ALOX12B: variants seen among roughly 807,000 people sequenced by gnomAD.
ALOX12B encodes arachidonate 12-lipoxygenase, 12R type.
A neutral mutation model predicts 78.9 loss-of-function variants in ALOX12B; 47 were observed. The ratio of observed to expected loss-of-function variants is 0.60; its 90% CI spans 0.47 to 0.76. ALOX12B has a LOEUF of 0.76. ALOX12B is among the 30% of genes least tolerant of loss of function. The pLI is 0.00. For missense variants in ALOX12B, 805 were observed against 922.6 expected (o/e 0.87, Z 1.65); for synonymous variants, 370 against 374.5 (o/e 0.99, Z 0.14).
In ALOX12B at chr17:8,079,708, C is replaced by G; in HGVS notation, c.927+61G>C. 6.4e-7 allele frequency: 1 copy of G among 1,569,604 alleles called. No individual in the cohort carries two copies. On this transcript the variant is annotated intron_variant, in intron 7 of 14. Transcript: ENST00000647874. The surrounding 1 kb of genome is among the most constrained non-coding windows in gnomAD (Gnocchi z 6.4). Reference sequence around the variant, plus strand: ...CGCGGGCGCCGGAGGTGGGGAGAGACGGGGATGCCCGCGAGGGAGGCCGGG... The same window carrying G: ...CGCGGGCGCCGGAGGTGGGGAGAGAGGGGGATGCCCGCGAGGGAGGCCGGG...
At chr17:8,073,805 C>T in intron 12 of ALOX12B, 48 bp from the exon 13 acceptor site, 3 of 1,495,244 alleles carry the variant, frequency 2.0e-6, no homozygotes, top group Non-Finnish European at 2.8e-6. Flanking sequence ...TGCCCTGGTA[C>T]TGGCTGCCCG....
In ALOX12B at chr17:8,072,832, C is replaced by G. The variant is rs759885347; in HGVS notation, c.2045G>C (p.Cys682Ser). 8.1e-6 allele frequency: 13 copies of G among 1,614,104 alleles called. No individual in the cohort carries two copies. Among genetic ancestry groups the G allele is most frequent in the Middle Eastern group, 1.6e-4 (1 of 6,084 alleles). ...CAGGTAGTAGTAGGGGATGGGAAGG[C>G]ACTTGTTGCGCTGGCGGATGTCGTG... ...ISHDIRQRNK[C>S]LPIPYYYLDP... The change falls in exon 15 of 15, where the codon TGC becomes TCC. Residue 682 changes from cysteine (C) to serine (S), a missense_variant. Physicochemically the swap from Cys to Ser is moderately radical, Grantham distance 112. Coordinates refer to ENST00000647874, the MANE Select transcript of ALOX12B (RefSeq NM_001139.3).
rs1336910973 is a variant in ALOX12B, at chr17:8,073,281, G to A, written c.1793C>T (p.Ser598Phe). Reference protein sequence around the residue: ...FTAWMPNFPASMRNPPIQTKG... With the variant: ...FTAWMPNFPAFMRNPPIQTKG... ...AGTCTGAATCGGTGGATTCCGCATG[G>A]ACGCTGGGAAGTTGGGCATCCAGGC... The change falls in exon 14 of 15, where the codon TCC becomes TTC. Residue 598 changes from serine (S) to phenylalanine (F), a missense_variant. By Grantham distance (155) the Ser-to-Phe change is radical (BLOSUM62 -2). Coordinates refer to ENST00000647874, the MANE Select transcript of ALOX12B (RefSeq NM_001139.3). 43 of 1,614,094 alleles carry A rather than the reference G, an allele frequency of 2.7e-5. No homozygotes were observed. The highest frequency in any genetic ancestry group is 3.6e-5 in the Non-Finnish European group (43 of 1,180,054).
At chr17:8,085,320 A>G (rs1217446447) in intron 2 of ALOX12B, among the ~76,000 whole-genome samples, 5 of 152,174 alleles carry the variant, frequency 3.3e-5, no homozygotes, top group Non-Finnish European at 7.4e-5. Flanking sequence ...ATCTCTACTA[A>G]AAATGCAAAA....
intron 1 of ALOX12B, among the ~76,000 whole-genome samples, chr17:8,086,550 T>C (rs1567985517): frequency 1.3e-5 from 2 of 152,178 alleles, no homozygotes; most frequent in Non-Finnish European, 2.9e-5. Context: ...GGTACCACTC[T>C]ACAGTTTTCG....
chr17:8,086,075 T>C lies in ALOX12B; in HGVS notation c.293A>G (p.His98Arg), dbSNP rs765029307. Residue 98 changes from histidine (H) to arginine (R), a missense_variant, in exon 2 of 15, where the codon CAC becomes CGC. Physicochemically the swap from His to Arg is conservative, Grantham distance 29. Transcript: ENST00000647874. ...QICAPNGRIY[H>R]FPAYQWMDGY... ...ATCCATCCACTGGTAGGCGGGGAAG[T>C]GGTAGATACGGCCGTTGGGGGCACA... The C allele has an allele frequency of 6.2e-6, 10 of 1,613,878 alleles. No individual in the cohort carries two copies. The African/African-American group carries it at 1.3e-4, about 22-fold the overall frequency.
chr17:8,087,537 A>G lies in ALOX12B; in HGVS notation c.-95T>C. ...GGCAGGCAAGAGAAGCCAGGCACAG[A>G]GTGGAGTGGACAGGGCTGGCCTCCG... On this transcript the variant is annotated 5_prime_UTR_variant, in exon 1 of 15. Coordinates refer to ENST00000647874, the MANE Select transcript of ALOX12B (RefSeq NM_001139.3). The G allele has an allele frequency of 3.1e-6, 5 of 1,593,782 alleles. No individual in the cohort carries two copies. The Admixed American group carries it at 8.4e-5, about 27-fold the overall frequency.
Position 8,079,304 on chromosome 17 carries a change from C to A in ALOX12B, c.1071+92G>T, listed in dbSNP as rs1027629222. 11 of 1,510,732 alleles carry A rather than the reference C, an allele frequency of 7.3e-6. No individual in the cohort carries two copies. Among genetic ancestry groups the A allele is most frequent in the Non-Finnish European group, 9.8e-6 (11 of 1,120,290 alleles). The allele number at this position is 1,510,732 out of a possible 1,614,324, so 93.6% of individuals were successfully genotyped here. A position where few individuals can be genotyped will look rare whatever the true frequency, so the allele number is the denominator to read the frequency against. On this transcript the variant is annotated intron_variant, in intron 8 of 14. Transcript: ENST00000647874. The surrounding 1 kb of genome is among the most constrained non-coding windows in gnomAD (Gnocchi z 6.4). ...ATAACGAGAGACGGCTGAATACATG[C>A]AGGTCCACACGCTCACATAAGCGCG... is the stretch of plus-strand genomic sequence containing the variant.
chr17:8,072,903 C>T lies in ALOX12B; in HGVS notation c.1974G>A (p.Pro658=), dbSNP rs1247988035. The change falls in exon 15 of 15, where the codon CCG becomes CCA. Residue 658 remains proline, a synonymous_variant. Coordinates refer to ENST00000647874, the MANE Select transcript of ALOX12B (RefSeq NM_001139.3). The stretch of plus-strand genomic sequence containing the variant: ...GGCGGAACGCCTCTATGCTCCTCCG[C>T]GGGGCCTCCTCCACGAAGTGAATGT... ...FPDIHFVEEA[P]RRSIEAFRQR... is the part of the protein sequence containing the mutation. 1.2e-6 allele frequency: 2 copies of T among 1,613,906 alleles called. No individual in the cohort carries two copies. The highest frequency in any genetic ancestry group is 1.7e-6 in the Non-Finnish European group (2 of 1,179,990).
chr17:8,075,856 G>C, intron 11 of ALOX12B, 140 bp from the exon 12 acceptor site: 1 of 1,409,842 alleles, frequency 7.1e-7, no homozygotes, highest in Non-Finnish European at 1.0e-6. Context: ...AGTCCTGTGG[G>C]GCAGAAGTGG....
At chr17:8,085,775 G>T (rs748474148) in intron 2 of ALOX12B, among the ~76,000 whole-genome samples, 2 of 152,200 alleles carry the variant, frequency 1.3e-5, no homozygotes, top group African/African-American at 2.4e-5. Context: ...GCCAGATGGG[G>T]ATGCTGAGGG....
chr17:8,080,647 C>T lies in ALOX12B; in HGVS notation c.650+11G>A, dbSNP rs748787760. The T allele has an allele frequency of 2.8e-5, 45 of 1,613,942 alleles. No individual in the cohort carries two copies. The highest frequency in any genetic ancestry group is 3.8e-5 in the Non-Finnish European group (45 of 1,180,016). On this transcript the variant is annotated intron_variant, in intron 5 of 14. Coordinates refer to ENST00000647874, the MANE Select transcript of ALOX12B (RefSeq NM_001139.3). The surrounding 1 kb of genome is among the most constrained non-coding windows in gnomAD (Gnocchi z 4.8). Reference sequence around the variant, plus strand: ...GGAGCCCTCGTTCTCCCGTCACTCACACGGACTCACATGGGCCCCAGGCGG... The same window carrying T: ...GGAGCCCTCGTTCTCCCGTCACTCATACGGACTCACATGGGCCCCAGGCGG...
chr17:8,081,222 AC>A lies in ALOX12B; in HGVS notation c.353-36del, dbSNP rs771267428. ...GACCAAGGAGAGGACTCAAGGGCTGACCCTTGCCCCTGCCCACTTCAGGAAG... is the reference window on the plus strand; with the variant it reads ...GACCAAGGAGAGGACTCAAGGGCTGACCTTGCCCCTGCCCACTTCAGGAAG... On this transcript the variant is annotated intron_variant, in intron 2 of 14. Coordinates refer to ENST00000647874, the MANE Select transcript of ALOX12B (RefSeq NM_001139.3). 6.2e-6 allele frequency: 10 copies of A among 1,600,864 alleles called. 1 individual carries two copies. In the South Asian group the frequency reaches 1.1e-4, roughly 18 times the overall value.
At position 8,079,626 on chromosome 17, in the gene ALOX12B, T is replaced by C. The variant is rs1037644170; in HGVS notation, c.928-87A>G. ...CGCAGGTGCACAGGGCGCTGGCGAC[T>C]AGGGGCAGGGGTGGGACGGGGACAG... On this transcript the variant is annotated intron_variant, in intron 7 of 14. Coordinates refer to ENST00000647874, the MANE Select transcript of ALOX12B (RefSeq NM_001139.3). The surrounding 1 kb of genome is among the most constrained non-coding windows in gnomAD (Gnocchi z 6.4). The C allele has an allele frequency of 4.4e-5, 67 of 1,535,958 alleles. No homozygotes were observed. The highest frequency in any genetic ancestry group is 5.5e-5 in the Non-Finnish European group (63 of 1,137,872).
At position 8,076,406 on chromosome 17, in the gene ALOX12B, C is replaced by G. The variant is rs78438347; in HGVS notation, c.1363-62G>C. 11,834 of 1,541,392 alleles carry G rather than the reference C, an allele frequency of 7.7e-3. 408 individuals carry two copies. In the African/African-American group the frequency reaches 0.1, roughly 13 times the overall value. ...CATCCCTGGAACCCCTTCAGGTCCT[C>G]TAGGATCCCAGTAAGTGCCCCTGTA... On this transcript the variant is annotated intron_variant, in intron 10 of 14. Transcript: ENST00000647874.
rs1418486127 is a variant in ALOX12B, at chr17:8,077,112, C to A, written c.1153G>T (p.Val385Leu). Residue 385 changes from valine (V) to leucine (L), a missense_variant, in exon 9 of 15, where the codon GTA (valine) becomes TTA (leucine). Val to Leu is a conservative substitution (Grantham distance 32). Coordinates refer to ENST00000647874, the MANE Select transcript of ALOX12B (RefSeq NM_001139.3). ...EWDWLLAKTWVRYAEFYSHEA... is the reference protein window; with the variant it reads ...EWDWLLAKTWLRYAEFYSHEA... ...TGGCTGTAGAACTCCGCATAGCGTA[C>A]CCACGTCTTGGCTAGCAGCCAGTCC... The A allele has an allele frequency of 2.5e-6, 4 of 1,613,858 alleles. No homozygotes were observed. Among genetic ancestry groups the A allele is most frequent in the Non-Finnish European group, 2.5e-6 (3 of 1,180,012 alleles).
Position 8,075,721 on chromosome 17 carries a change from C to G in ALOX12B, c.1533-5G>C. ...GTGATGATCTCCGTCACATACCTGA[C>G]CAGGGGACAGGGCCTCAGTTTGGAT... On this transcript the variant is annotated splice_polypyrimidine_tract_variant and splice_region_variant and intron_variant, in intron 11 of 14. Transcript: ENST00000647874. The G allele has an allele frequency of 6.2e-7, 1 of 1,614,190 alleles. No homozygotes were observed. Among genetic ancestry groups the G allele is most frequent in the Non-Finnish European group, 8.5e-7 (1 of 1,180,036 alleles).
chr17:8,079,566 A>T lies in ALOX12B; in HGVS notation c.928-27T>A. On this transcript the variant is annotated intron_variant, in intron 7 of 14. Coordinates refer to ENST00000647874, the MANE Select transcript of ALOX12B (RefSeq NM_001139.3). The surrounding 1 kb of genome is among the most constrained non-coding windows in gnomAD (Gnocchi z 6.4). The stretch of plus-strand genomic sequence containing the variant: ...TGGAGGGGAGCCGCGATGGGTGGCA[A>T]GTAGGCACCCACACGGGAAGCCCGT... 6.5e-7 allele frequency: 1 copy of T among 1,549,154 alleles called. No individual in the cohort carries two copies. The highest frequency in any genetic ancestry group is 8.7e-7 in the Non-Finnish European group (1 of 1,146,278).
chr17:8,084,692 C>T lies in ALOX12B; in HGVS notation c.352+1324G>A, dbSNP rs112139692. 2.4e-3 allele frequency among the ~76,000 whole-genome samples: 369 copies of T among 152,326 alleles called. 6 individuals carry two copies. In the South Asian group the frequency reaches 0.028, roughly 12 times the overall value. On this transcript the variant is annotated intron_variant, in intron 2 of 14. Coordinates refer to ENST00000647874, the MANE Select transcript of ALOX12B (RefSeq NM_001139.3). ...GTTCCCCAATCCTGGGGGAAGATTC[C>T]AGCACAGGGCAATGAGAAACGGAAG... is the stretch of plus-strand genomic sequence containing the variant.
Sources: gnomAD v4.1 joint callset for allele counts (sites outside exome capture counted in the v4.1 genomes callset) on GRCh38, gnomAD v4.1.1 for gene constraint, Gnocchi (gnomAD v3.1) non-coding constraint, MANE v1.5 for transcripts, NCBI Gene and HGNC (gene_info 2026-07-23, HGNC 2026-07-21) for gene names.